The following ZCCHC4 variants were observed in gnomAD, a reference collection of about 807,000 sequenced individuals.
ZCCHC4 encodes zinc finger CCHC-type containing 4, also known as rRNA N(6)-adenosine-methyltransferase ZCCHC4.
ZCCHC4 carries 54 observed loss-of-function variants against 67.7 expected under a neutral mutation model. That is an observed-to-expected ratio of 0.80 (90% CI 0.64 to 1.00). The LOEUF (loss-of-function observed/expected upper bound fraction) is 1.00, where lower values mean the gene tolerates loss of function less well. Among genes scored for constraint, ZCCHC4 ranks in the 50% least tolerant of loss-of-function variants. The pLI is 0.00. For missense variants in ZCCHC4, 609 were observed against 617.0 expected (o/e 0.99, Z 0.14); for synonymous variants, 198 against 213.5 (o/e 0.93, Z 0.63).
chr4:25,331,387 C>G (rs776665819), intron 3 of ZCCHC4, among the ~76,000 whole-genome samples: 18 of 152,156 alleles, frequency 1.2e-4, no homozygotes, highest in Non-Finnish European at 2.5e-4. Context: ...TCACTGCAGC[C>G]TTGAACTCCT....
intron 3 of ZCCHC4, among the ~76,000 whole-genome samples, chr4:25,321,453 A>C (rs1398598606): frequency 2.0e-5 from 3 of 151,774 alleles, no homozygotes; most frequent in East Asian, 1.9e-4. Context: ...GCTCACTTCA[A>C]CCTCCACTTC....
chr4:25,318,572 G>A (rs1344446048), intron 3 of ZCCHC4, among the ~76,000 whole-genome samples: 1 of 151,272 alleles, frequency 6.6e-6, no homozygotes, highest in East Asian at 1.9e-4. Context: ...CCAGGCTGGT[G>A]TCAAACTCCT....
At chr4:25,361,336 C>G (rs1720726269) in intron 8 of ZCCHC4, among the ~76,000 whole-genome samples, 1 of 152,126 alleles carries the variant, frequency 6.6e-6, no homozygotes, top group Non-Finnish European at 1.5e-5. Flanking sequence ...CAGAGGACAC[C>G]CTTGTCCAAG....
At chr4:25,343,527 A>T (rs1415657484) in intron 5 of ZCCHC4, among the ~76,000 whole-genome samples, 2 of 152,360 alleles carry the variant, frequency 1.3e-5, no homozygotes, top group East Asian at 3.9e-4. Context: ...CTGGCATTGT[A>T]TTAAGTACTT....
At chr4:25,365,589 G>T in intron 12 of ZCCHC4, 5 of 986,916 alleles carry the variant, frequency 5.1e-6, no homozygotes, top group Non-Finnish European at 6.0e-6. Flanking sequence ...TAATTCCACA[G>T]TAGGAAAATT....
At chr4:25,345,248 A>G (rs965946360) in intron 5 of ZCCHC4, among the ~76,000 whole-genome samples, 1 of 152,242 alleles carries the variant, frequency 6.6e-6, no homozygotes, top group African/African-American at 2.4e-5. Flanking sequence ...CTTAAATTGC[A>G]TAATCATCTG....
At chr4:25,342,136 T>C (rs137890149) in intron 5 of ZCCHC4, among the ~76,000 whole-genome samples, 258 of 152,284 alleles carry the variant, frequency 1.7e-3, no homozygotes, top group Non-Finnish European at 2.5e-3. Flanking sequence ...AGGTCAACAA[T>C]AGTTCTTAAG....
chr4:25,312,936 G>C lies in ZCCHC4; in HGVS notation c.127G>C (p.Gly43Arg). The change falls in exon 1 of 13, where the codon GGA becomes CGA. Residue 43 changes from glycine to arginine, a missense_variant and splice_region_variant. Physicochemically the swap from Gly to Arg is moderately radical, Grantham distance 125 (BLOSUM62 -2). Transcript: ENST00000302874. ...PAVPAPLCPH[G>R]PTLLFVKVTQ... Reference sequence around the variant, plus strand: ...CGTCCCCGCCCCGCTGTGCCCTCACGGTGGGTCAGAGTCTGGGCTCAGCCT... The same window carrying C: ...CGTCCCCGCCCCGCTGTGCCCTCACCGTGGGTCAGAGTCTGGGCTCAGCCT... 1.9e-6 allele frequency: 3 copies of C among 1,612,062 alleles called. No individual in the cohort carries two copies. In the African/African-American group the frequency reaches 4.0e-5, roughly 21 times the overall value.
chr4:25,369,336 A>C lies in ZCCHC4; in HGVS notation c.*172A>C. On this transcript the variant is annotated 3_prime_UTR_variant, in exon 13 of 13. Coordinates refer to ENST00000302874, the MANE Select transcript of ZCCHC4 (RefSeq NM_024936.3). Reference sequence around the variant, plus strand: ...TACAGTCCCTTATCTGCCTCTCTGGAGACATGGGGAGTTGTTCCATCTTCA... The same window carrying C: ...TACAGTCCCTTATCTGCCTCTCTGGCGACATGGGGAGTTGTTCCATCTTCA... The C allele has an allele frequency of 2.6e-6, 2 of 781,172 alleles. No individual in the cohort carries two copies. Among genetic ancestry groups the C allele is most frequent in the Non-Finnish European group, 4.0e-6 (2 of 504,506 alleles). The allele number at this position is 781,172 out of a possible 1,614,324, so 48.4% of individuals were successfully genotyped here.
intron 3 of ZCCHC4, among the ~76,000 whole-genome samples, chr4:25,324,976 G>T (rs1577728750): frequency 6.6e-6 from 1 of 152,208 alleles, no homozygotes; most frequent in Admixed American, 6.5e-5. Context: ...GGGCGCGGTG[G>T]CTCACGCCTG....
chr4:25,331,637 A>G (rs1044910500), intron 3 of ZCCHC4, among the ~76,000 whole-genome samples: 3 of 152,144 alleles, frequency 2.0e-5, no homozygotes, highest in African/African-American at 7.2e-5. Flanking sequence ...TAGTGATGAG[A>G]GGTAATAGTA....
chr4:25,342,974 T>A (rs1318808551), intron 5 of ZCCHC4, among the ~76,000 whole-genome samples: 3 of 152,202 alleles, frequency 2.0e-5, no homozygotes, highest in African/African-American at 7.2e-5. Flanking sequence ...GACTGTTGTA[T>A]CTTTGTGAAG....
At chr4:25,325,170 G>T (rs142037868) in intron 3 of ZCCHC4, among the ~76,000 whole-genome samples, 13,872 of 80,484 alleles carry the variant, frequency 0.17, 1,486 homozygotes, top group Non-Finnish European at 0.28. Flanking sequence ...GTGAATCCCG[G>T]GAGGCGGAGC....
chr4:25,337,481 A>G (rs1029005062), intron 5 of ZCCHC4, among the ~76,000 whole-genome samples: 1 of 152,200 alleles, frequency 6.6e-6, no homozygotes, highest in African/African-American at 2.4e-5. Flanking sequence ...TGAGAACTCC[A>G]GCAGCAAAAC....
At chr4:25,347,865 T>G (rs886553701) in intron 6 of ZCCHC4, among the ~76,000 whole-genome samples, 5 of 152,208 alleles carry the variant, frequency 3.3e-5, no homozygotes, top group African/African-American at 1.2e-4. Flanking sequence ...CGGGCACTTT[T>G]TAAATGATAA....
chr4:25,346,043 G>A (rs1719995274), intron 6 of ZCCHC4, among the ~76,000 whole-genome samples: 1 of 152,100 alleles, frequency 6.6e-6, no homozygotes, highest in Non-Finnish European at 1.5e-5. Context: ...CTCCACTCAT[G>A]TTTTAGAACT....
chr4:25,364,264 A>T (rs1402800810), intron 10 of ZCCHC4, among the ~76,000 whole-genome samples, 190 bp from the exon 11 acceptor site: 1 of 152,178 alleles, frequency 6.6e-6, no homozygotes, highest in Non-Finnish European at 1.5e-5. Context: ...CCCATCAAGG[A>T]GGCATTTGAG....
At chr4:25,368,160 G>C (rs1408266587) in intron 12 of ZCCHC4, among the ~76,000 whole-genome samples, 1 of 152,200 alleles carries the variant, frequency 6.6e-6, no homozygotes, top group African/African-American at 2.4e-5. Context: ...ACAAGATCAA[G>C]AATAAGCTTT....
chr4:25,349,814 GTAT>G (rs1383767379), intron 7 of ZCCHC4, 172 bp downstream of exon 7: 3 of 642,328 alleles, frequency 4.7e-6, no homozygotes, highest in Non-Finnish European at 7.7e-6. Context: ...GATATACTTT[GTAT>G]TATTCTAATC....
Sources: gnomAD v4.1 joint callset for allele counts (sites outside exome capture counted in the v4.1 genomes callset) on GRCh38, gnomAD v4.1.1 for gene constraint, MANE v1.5 for transcripts, NCBI Gene and HGNC (gene_info 2026-07-23, HGNC 2026-07-21) for gene names.